Variants in TENM2 observed in about 807,000 individuals in gnomAD.
The protein encoded by TENM2 is teneurin transmembrane protein 2, also known as teneurin-2.
A neutral mutation model predicts 245.2 loss-of-function variants in TENM2; 52 were observed. The ratio of observed to expected loss-of-function variants is 0.21; its 90% CI spans 0.17 to 0.27. TENM2 has a LOEUF of 0.27. Ranked by LOEUF, TENM2 falls within the 10% of genes least tolerant of loss-of-function variation. The probability of loss-of-function intolerance (pLI) is 1.00; values close to 1 mark genes in which losing one functional copy is unlikely to be tolerated. For missense variants in TENM2, 3,046 were observed against 3,666.8 expected (o/e 0.83, Z 4.37); for synonymous variants, 1,363 against 1,438.9 (o/e 0.95, Z 1.19).
chr5:167,869,662 GGCCT>G (rs1772643000), intron 2 of TENM2, among the ~76,000 whole-genome samples: 1 of 152,200 alleles, frequency 6.6e-6, no homozygotes, highest in Admixed American at 6.5e-5. Flanking sequence ...TGCACTAGCA[GGCCT>G]GGCTGCCATG....
chr5:167,894,181 T>TGATG (rs765827675), intron 3 of TENM2, among the ~76,000 whole-genome samples: 51 of 152,132 alleles, frequency 3.4e-4, no homozygotes, highest in Non-Finnish European at 4.7e-4. Flanking sequence ...AAATCACAGA[T>TGATG]GATGGATGGA....
chr5:167,234,648 G>T, the TENM2 span, among the ~76,000 whole-genome samples: 1 of 152,164 alleles, frequency 6.6e-6, no homozygotes, highest in Non-Finnish European at 1.5e-5. Flanking sequence ...ACACATACAG[G>T]AAAGGTTGAT....
chr5:167,402,791 A>G (rs1762432610), intron 2 of TENM2, among the ~76,000 whole-genome samples: 1 of 152,142 alleles, frequency 6.6e-6, no homozygotes, highest in African/African-American at 2.4e-5. Context: ...TCTGTAGCTT[A>G]ACAAGGGTTT....
At chr5:167,320,994 G>A (rs1043260619) in intron 1 of TENM2, among the ~76,000 whole-genome samples, 4 of 151,948 alleles carry the variant, frequency 2.6e-5, no homozygotes, top group South Asian at 4.2e-4. Context: ...CTGATTTCCT[G>A]TTTTGTTCTT....
chr5:167,326,702 A>AATAT (rs70976411), intron 1 of TENM2, among the ~76,000 whole-genome samples: 5,256 of 143,134 alleles, frequency 0.037, 294 homozygotes, highest in African/African-American at 0.12. Flanking sequence ...ATAATAAATA[A>AATAT]ATATATATAT....
At chr5:167,849,689 C>T (rs564957076) in intron 2 of TENM2, among the ~76,000 whole-genome samples, 1 of 152,294 alleles carries the variant, frequency 6.6e-6, no homozygotes, top group Non-Finnish European at 1.5e-5. Context: ...ACCCATGACC[C>T]CTTCCTTGGG....
At chr5:167,734,256 C>T (rs1411644151) in intron 2 of TENM2, among the ~76,000 whole-genome samples, 1 of 152,016 alleles carries the variant, frequency 6.6e-6, no homozygotes, top group African/African-American at 2.4e-5. Flanking sequence ...TACTTCGTCC[C>T]TCATCTCATC....
chr5:167,070,072 A>G, the TENM2 span, among the ~76,000 whole-genome samples: 1 of 148,058 alleles, frequency 6.8e-6, no homozygotes, highest in Non-Finnish European at 1.5e-5. Context: ...TGAATGTACT[A>G]GTCAAAAAAT....
At chr5:168,030,168 T>TTTTTC (rs1786997388) in intron 5 of TENM2, among the ~76,000 whole-genome samples, 2 of 84,626 alleles carry the variant, frequency 2.4e-5, no homozygotes, top group African/African-American at 4.1e-5. Flanking sequence ...CTTTTTTTTT[T>TTTTTC]TTTTTTTTTT....
intron 25 of TENM2, among the ~76,000 whole-genome samples, chr5:168,243,783 A>T (rs1252219358): frequency 6.6e-6 from 1 of 152,086 alleles, no homozygotes; most frequent in East Asian, 1.9e-4. Context: ...ACTTTCCACG[A>T]TCCTATGGCA....
intron 5 of TENM2, among the ~76,000 whole-genome samples, chr5:168,020,669 C>T (rs1229963069): frequency 1.3e-5 from 2 of 152,184 alleles, no homozygotes; most frequent in Non-Finnish European, 2.9e-5. Flanking sequence ...AACCTCCACC[C>T]GCCGGCTTCC....
the TENM2 span, among the ~76,000 whole-genome samples, chr5:167,223,465 C>T: frequency 0.21 from 32,221 of 151,904 alleles, 4,089 homozygotes; most frequent in African/African-American, 0.36. Context: ...GCCTGACTTG[C>T]TTCACTTAAC....
At chr5:167,184,161 G>A in the TENM2 span, among the ~76,000 whole-genome samples, 1 of 152,162 alleles carries the variant, frequency 6.6e-6, no homozygotes, top group Non-Finnish European at 1.5e-5. Context: ...GAAGATATCC[G>A]AGAAAATGAA....
At chr5:167,284,801 T>A (rs771997303) in exon 1 of TENM2, 1 of 1,512,756 alleles carries the variant, frequency 6.6e-7, no homozygotes, top group South Asian at 1.2e-5. Context: ...AGGCCTGACT[T>A]TTCTGAAAAC....
chr5:168,190,843 A>G (rs1038428771), intron 14 of TENM2: 8 of 243,740 alleles, frequency 3.3e-5, no homozygotes, highest in African/African-American at 1.8e-4. Flanking sequence ...TTATGATGTT[A>G]TTGTCATTAT....
intron 12 of TENM2, among the ~76,000 whole-genome samples, chr5:168,160,369 A>T (rs952506201): frequency 1.3e-5 from 2 of 152,248 alleles, no homozygotes. Flanking sequence ...AAAAGCATGG[A>T]AATGTGAATC....
chr5:168,090,644 G>A (rs540407450), exon 8 of TENM2: 2 of 1,613,748 alleles, frequency 1.2e-6, no homozygotes, highest in East Asian at 2.2e-5. Context: ...GAACGCCGGA[G>A]CATACAGACC....
the TENM2 span, among the ~76,000 whole-genome samples, chr5:167,093,729 G>A: frequency 6.6e-6 from 1 of 152,164 alleles, no homozygotes; most frequent in Non-Finnish European, 1.5e-5. Context: ...AAGCTGTGTG[G>A]ACTCCTTAGG....
At chr5:168,181,966 C>T (rs757748106) in intron 13 of TENM2, among the ~76,000 whole-genome samples, 4 of 152,048 alleles carry the variant, frequency 2.6e-5, no homozygotes, top group Non-Finnish European at 5.9e-5. Flanking sequence ...CGTGAGCCAC[C>T]GCACCCAGCC....
Sources: gnomAD v4.1 joint callset for allele counts (sites outside exome capture counted in the v4.1 genomes callset) on GRCh38, gnomAD v4.1.1 for gene constraint, MANE v1.5 for transcripts, NCBI Gene and HGNC (gene_info 2026-07-23, HGNC 2026-07-21) for gene names.